The following WFDC8 variants were observed in gnomAD, a reference collection of about 807,000 sequenced individuals.
WFDC8 encodes the protein WAP four-disulfide core domain 8.
A neutral mutation model predicts 27.0 loss-of-function variants in WFDC8; 24 were observed. The observed-to-expected ratio is 0.89, with a 90% confidence interval of 0.64 to 1.25. WFDC8 has a LOEUF of 1.25. Ranked by LOEUF, WFDC8 falls within the 50% of genes most tolerant of loss-of-function variation. The probability of loss-of-function intolerance (pLI) is 0.00; values close to 1 mark genes in which losing one functional copy is unlikely to be tolerated. For missense variants in WFDC8, 287 were observed against 295.9 expected, an observed-to-expected ratio of 0.97 and a Z score of 0.22; for synonymous variants, 106 against 99.7, an observed-to-expected ratio of 1.06 and a Z score of -0.38.
rs759957303 is a variant in WFDC8 at position 45,573,529 on chromosome 20, A to T, written c.26+5693T>A. Among the ~76,000 whole-genome samples, 94 of 152,310 alleles carry T rather than the reference A, an allele frequency of 6.2e-4. 1 individual carries two copies. The highest frequency in any genetic ancestry group is 3.4e-3 in the Middle Eastern group (1 of 294). On this transcript the variant is annotated intron_variant, in intron 1 of 5. Coordinates refer to ENST00000289953, the MANE Select transcript of WFDC8 (RefSeq NM_130896.3). ...CCTTTGCATACCCATAGGTTAACTC[A>T]ACTTATAAGCGAAAACATATGGTAT...
intron 1 of WFDC8, among the ~76,000 whole-genome samples, chr20:45,573,231 C>A (rs537514557): frequency 4.8e-4 from 73 of 152,326 alleles, no homozygotes; most frequent in Non-Finnish European, 9.3e-4. Context: ...GTTTTCTTCT[C>A]AGAGTTTTAT....
intron 1 of WFDC8, among the ~76,000 whole-genome samples, chr20:45,564,274 T>C (rs952864366): frequency 6.6e-6 from 1 of 152,156 alleles, no homozygotes; most frequent in African/African-American, 2.4e-5. Flanking sequence ...AAATGTGCTA[T>C]ATAAATAACA....
chr20:45,572,659 T>C (rs1980910271), intron 1 of WFDC8, among the ~76,000 whole-genome samples: 1 of 152,182 alleles, frequency 6.6e-6, no homozygotes, highest in Non-Finnish European at 1.5e-5. Flanking sequence ...CAGGCTGGAG[T>C]GCAGTGGTGT....
At chr20:45,552,861 G>T (rs1036949853) in intron 5 of WFDC8, among the ~76,000 whole-genome samples, 2 of 152,188 alleles carry the variant, frequency 1.3e-5, no homozygotes, top group Non-Finnish European at 1.5e-5. Context: ...TTGTCACCTT[G>T]CAAGTCATTG....
At chr20:45,572,744 C>A (rs1980912447) in intron 1 of WFDC8, among the ~76,000 whole-genome samples, 1 of 152,158 alleles carries the variant, frequency 6.6e-6, no homozygotes, top group Admixed American at 6.5e-5. Context: ...GTAGCTGGAA[C>A]TACAGGCATG....
chr20:45,570,762 T>C (rs1980839452), intron 1 of WFDC8, among the ~76,000 whole-genome samples: 1 of 152,194 alleles, frequency 6.6e-6, no homozygotes, highest in East Asian at 1.9e-4. Flanking sequence ...CCATTTTGCA[T>C]TTTCATTAGT....
At chr20:45,570,591 G>T (rs962973926) in intron 1 of WFDC8, among the ~76,000 whole-genome samples, 3 of 152,114 alleles carry the variant, frequency 2.0e-5, no homozygotes, top group Non-Finnish European at 4.4e-5. Context: ...TCCAGTTTGG[G>T]GCAATTATGA....
chr20:45,571,631 C>T (rs1980872076), intron 1 of WFDC8, among the ~76,000 whole-genome samples: 1 of 152,206 alleles, frequency 6.6e-6, no homozygotes, highest in Non-Finnish European at 1.5e-5. Flanking sequence ...CCCATACACT[C>T]CACCCTGACC....
chr20:45,571,102 TC>T (rs1433437278), intron 1 of WFDC8, among the ~76,000 whole-genome samples: 1 of 152,212 alleles, frequency 6.6e-6, no homozygotes, highest in Non-Finnish European at 1.5e-5. Flanking sequence ...CTTCATAATT[TC>T]CATACTTTAT....
chr20:45,551,915 T>C lies in WFDC8; in HGVS notation c.*111A>G. On this transcript the variant is annotated 3_prime_UTR_variant, in exon 6 of 6. Coordinates refer to ENST00000289953, the MANE Select transcript of WFDC8 (RefSeq NM_130896.3). Reference sequence around the variant, plus strand: ...ATAAAATCAAAGTAACATCATTCAATATTGTGATACTTAAGATAATTTGGC... The same window carrying C: ...ATAAAATCAAAGTAACATCATTCAACATTGTGATACTTAAGATAATTTGGC... 4.7e-6 allele frequency: 6 copies of C among 1,267,266 alleles called. No individual in the cohort carries two copies. Among genetic ancestry groups the C allele is most frequent in the Non-Finnish European group, 6.6e-6 (6 of 909,174 alleles). 78.5% of individuals were successfully genotyped at this position (1,267,266 alleles called of 1,614,324 possible).
At chr20:45,573,573 G>A (rs1012366811) in intron 1 of WFDC8, among the ~76,000 whole-genome samples, 22 of 152,138 alleles carry the variant, frequency 1.4e-4, no homozygotes, top group Non-Finnish European at 7.3e-5. Context: ...CCATTCCTGA[G>A]TTTCTTAACT....
chr20:45,556,663 C>T (rs57594429), intron 3 of WFDC8, among the ~76,000 whole-genome samples: 1,974 of 152,260 alleles, frequency 0.013, 44 homozygotes, highest in African/African-American at 0.046. Flanking sequence ...ATTCTATGGT[C>T]ATCCAGCATT....
At chr20:45,578,857 G>A (rs1981134897) in intron 1 of WFDC8, among the ~76,000 whole-genome samples, 2 of 152,062 alleles carry the variant, frequency 1.3e-5, no homozygotes, top group Admixed American at 6.6e-5. Flanking sequence ...ACTCAAAGAT[G>A]CCCAACTTAC....
chr20:45,573,982 G>A (rs1297446802), intron 1 of WFDC8, among the ~76,000 whole-genome samples: 1 of 152,062 alleles, frequency 6.6e-6, no homozygotes, highest in Non-Finnish European at 1.5e-5. Context: ...TTTGCTCAAG[G>A]TTGCTTGAGA....
intron 1 of WFDC8, chr20:45,568,498 A>G: frequency 3.0e-6 from 1 of 334,844 alleles, no homozygotes; most frequent in Admixed American, 3.4e-5. Context: ...CTGAAATTGT[A>G]TTCTTGATAG....
chr20:45,565,813 TGAA>T (rs1467629309), intron 1 of WFDC8, among the ~76,000 whole-genome samples: 1 of 152,170 alleles, frequency 6.6e-6, no homozygotes, highest in Non-Finnish European at 1.5e-5. Context: ...AATTGAAAAA[TGAA>T]GACATTCTTT....
At chr20:45,577,084 C>T (rs970319391) in intron 1 of WFDC8, among the ~76,000 whole-genome samples, 3 of 151,414 alleles carry the variant, frequency 2.0e-5, no homozygotes, top group Non-Finnish European at 4.4e-5. Context: ...AGTCCCCCAA[C>T]GTACACATTC....
chr20:45,567,109 C>T (rs1325903136), intron 1 of WFDC8, among the ~76,000 whole-genome samples: 4 of 151,822 alleles, frequency 2.6e-5, no homozygotes, highest in Admixed American at 2.0e-4. Context: ...AGATGCAGAA[C>T]GTGTGGATAT....
At chr20:45,562,028 A>G in intron 2 of WFDC8, 82 bp downstream of exon 2, 1 of 1,305,292 alleles carries the variant, frequency 7.7e-7, no homozygotes, top group Non-Finnish European at 1.1e-6. Context: ...GCCTCATCTG[A>G]CACTGGCACT....
Sources: allele counts gnomAD v4.1 joint callset (sites outside exome capture counted in the v4.1 genomes callset), GRCh38; gene constraint gnomAD v4.1.1; transcripts MANE v1.5; gene names NCBI Gene and HGNC (gene_info 2026-07-23, HGNC 2026-07-21).